The following FAAH2 variants were observed in gnomAD, a reference collection of about 807,000 sequenced individuals.
FAAH2 encodes the protein fatty acid amide hydrolase 2.
FAAH2 carries 60 observed loss-of-function variants against 36.9 expected under a neutral mutation model. The observed-to-expected ratio is 1.63, with a 90% CI of 1.32 to 2.02. The LOEUF is 2.02. Among genes scored for constraint, FAAH2 ranks in the 30% most tolerant of loss-of-function variants. The pLI is 0.00. For synonymous variants in FAAH2, 214 were observed against 143.8 expected, an observed-to-expected ratio of 1.49 and a Z score of -3.49; for missense variants, 689 against 397.5, an observed-to-expected ratio of 1.73 and a Z score of -6.23.
intron 2 of FAAH2, among the ~76,000 whole-genome samples, chrX:57,305,009 C>T (rs1436902445): frequency 6.3e-5 from 7 of 111,432 alleles, no homozygotes; most frequent in Non-Finnish European, 1.1e-4. Flanking sequence ...TATTATTTAA[C>T]TCTTACACAT....
At chrX:57,395,094 G>T (rs767982276) in intron 7 of FAAH2, 13 of 544,630 alleles carry the variant, frequency 2.4e-5, no homozygotes, top group Admixed American at 1.8e-4. Flanking sequence ...TCAGTGTATT[G>T]TCTGAGTCTA....
chrX:57,438,138 T>C (rs1011435208), intron 8 of FAAH2, among the ~76,000 whole-genome samples: 24 of 105,693 alleles, frequency 2.3e-4, no homozygotes, highest in African/African-American at 8.1e-4. Context: ...CACGTGTATA[T>C]ATATTTGTGT....
chrX:57,439,960 T>C lies in FAAH2; in HGVS notation c.1117-6968T>C, dbSNP rs1264408096. Among the ~76,000 whole-genome samples the C allele has an allele frequency of 5.4e-5, 6 of 111,833 alleles. No individual in the cohort carries two copies. In the East Asian group the frequency reaches 1.7e-3, roughly 31 times the overall value. ...GGTTCTGTTCTCTTCCATTGATCTA[T>C]ATCTCTGTTTTGGTACCAGTACCAT... On this transcript the variant is annotated intron_variant, in intron 8 of 10. Coordinates refer to ENST00000374900, the MANE Select transcript of FAAH2 (RefSeq NM_174912.4).
chrX:57,431,307 T>C (rs1251514426), intron 7 of FAAH2, among the ~76,000 whole-genome samples: 1 of 111,912 alleles, frequency 8.9e-6, no homozygotes, highest in African/African-American at 3.2e-5. Flanking sequence ...GTCTTACTTC[T>C]GCTTCTTCTC....
chrX:57,427,107 C>T (rs904392389), intron 7 of FAAH2, among the ~76,000 whole-genome samples: 3 of 110,577 alleles, frequency 2.7e-5, no homozygotes, highest in Non-Finnish European at 5.7e-5. Flanking sequence ...GTAGCATGAA[C>T]AACTCTATGC....
chrX:57,285,960 C>A (rs2051803940), upstream of FAAH2, among the ~76,000 whole-genome samples: 1 of 111,663 alleles, frequency 9.0e-6, no homozygotes, highest in African/African-American at 3.3e-5. Flanking sequence ...GAAGGAAGGG[C>A]TGGATTCTGT....
chrX:57,390,818 A>AT (rs976574148), intron 7 of FAAH2, among the ~76,000 whole-genome samples: 4 of 111,337 alleles, frequency 3.6e-5, no homozygotes, highest in African/African-American at 6.5e-5. Context: ...TGATATAATA[A>AT]TTTTTTTCTT....
At position 57,448,104 on chromosome X, in the gene FAAH2, C is replaced by T. The variant is rs752998106; in HGVS notation, c.1229-420C>T. Among the ~76,000 whole-genome samples the T allele has an allele frequency of 8.1e-5, 9 of 111,428 alleles. No individual in the cohort carries two copies. In the South Asian group the frequency reaches 3.5e-3, roughly 43 times the overall value. On this transcript the variant is annotated intron_variant, in intron 9 of 10. Transcript: ENST00000374900. ...TCCTGGGCTAAAGCAATCCTCCTGC[C>T]TCAACTCCTAAGTTGCTGGGACTAC...
At chrX:57,403,303 C>G (rs915898390) in intron 7 of FAAH2, among the ~76,000 whole-genome samples, 20 of 112,287 alleles carry the variant, frequency 1.8e-4, no homozygotes, top group African/African-American at 5.5e-4. Context: ...CTTTTCAGGT[C>G]ACCCATAGAC....
chrX:57,267,548 G>T, the FAAH2 span, among the ~76,000 whole-genome samples: 2 of 112,423 alleles, frequency 1.8e-5, no homozygotes, highest in South Asian at 7.4e-4. Flanking sequence ...ACCCTTGGCT[G>T]CCTTGCCTCC....
the FAAH2 span, among the ~76,000 whole-genome samples, chrX:57,216,109 A>AT: frequency 9.2e-6 from 1 of 108,519 alleles, no homozygotes; most frequent in East Asian, 2.9e-4. Context: ...TTTAAAATAA[A>AT]TTTACATTTT....
chrX:57,467,680 C>T (rs1265509071), intron 10 of FAAH2, among the ~76,000 whole-genome samples: 1 of 112,034 alleles, frequency 8.9e-6, no homozygotes, highest in Non-Finnish European at 1.9e-5. Flanking sequence ...GGGGGCAGGG[C>T]ATAGCCAAAC....
the FAAH2 span, among the ~76,000 whole-genome samples, chrX:57,245,900 G>T: frequency 2.7e-5 from 3 of 111,401 alleles, no homozygotes; most frequent in East Asian, 2.8e-4. Context: ...AAGAGATAGA[G>T]ACATGAAGAA....
intron 3 of FAAH2, among the ~76,000 whole-genome samples, chrX:57,318,186 GAC>G (rs1286278332): frequency 1.1e-5 from 1 of 88,616 alleles, no homozygotes; most frequent in African/African-American, 3.4e-5. Context: ...AGGAGATAGA[GAC>G]ACACAACAAA....
At chrX:57,385,745 CAAAATACAA>C (rs1448151222) in intron 7 of FAAH2, among the ~76,000 whole-genome samples, 308 of 110,908 alleles carry the variant, frequency 2.8e-3, no homozygotes, top group African/African-American at 9.9e-3. Flanking sequence ...CTCTACTAAA[CAAAATACAA>C]AAAATTAGCC....
chrX:57,383,477 A>T lies in FAAH2; in HGVS notation c.996+2448A>T, dbSNP rs187754665. Among the ~76,000 whole-genome samples, 138 of 112,084 alleles carry T rather than the reference A, an allele frequency of 1.2e-3. 1 individual carries two copies. Among genetic ancestry groups the T allele is most frequent in the African/African-American group, 4.0e-3 (123 of 30,868 alleles). On this transcript the variant is annotated intron_variant, in intron 7 of 10. Coordinates refer to ENST00000374900, the MANE Select transcript of FAAH2 (RefSeq NM_174912.4). The stretch of plus-strand genomic sequence containing the variant: ...AAGCTGAGAAGCAACTTCAGCAAAG[A>T]CTCAGGATACAAAATCAATGTGCAA...
At chrX:57,308,094 T>A in intron 2 of FAAH2, among the ~76,000 whole-genome samples, 1 of 111,724 alleles carries the variant, frequency 9.0e-6, no homozygotes, top group Non-Finnish European at 1.9e-5. Flanking sequence ...GATAGCATAG[T>A]GATGAACATA....
intron 7 of FAAH2, among the ~76,000 whole-genome samples, chrX:57,400,950 G>T (rs770003335): frequency 9.1e-6 from 1 of 110,467 alleles, no homozygotes; most frequent in Non-Finnish European, 1.9e-5. Context: ...GTGAAACCCC[G>T]TTTCTACCAA....
chrX:57,144,923 TACACAC>T, the FAAH2 span, among the ~76,000 whole-genome samples: 6 of 105,437 alleles, frequency 5.7e-5, no homozygotes, highest in South Asian at 4.2e-4. Context: ...TGTGTGTGCA[TACACAC>T]ACACACACAC....
Sources: gnomAD v4.1 joint callset for allele counts (sites outside exome capture counted in the v4.1 genomes callset) on GRCh38, gnomAD v4.1.1 for gene constraint, MANE v1.5 for transcripts, NCBI Gene and HGNC (gene_info 2026-07-23, HGNC 2026-07-21) for gene names.